The following ELAPOR1 variants were observed in gnomAD, a reference collection of about 807,000 sequenced individuals.
ELAPOR1 encodes endosome/lysosome-associated apoptosis and autophagy regulator 1.
A neutral mutation model predicts 119.7 loss-of-function variants in ELAPOR1; 77 were observed. The ratio of observed to expected loss-of-function variants is 0.64; its 90% CI spans 0.54 to 0.78. ELAPOR1 has a LOEUF of 0.78. Ranked by LOEUF, ELAPOR1 falls within the 30% of genes least tolerant of loss-of-function variation. The pLI, the probability that ELAPOR1 is intolerant of heterozygous loss-of-function variation, is 0.00. For synonymous variants in ELAPOR1, 481 were observed against 487.2 expected (o/e 0.99, Z 0.17); for missense variants, 1,115 against 1,270.4 (o/e 0.88, Z 1.86).
At chr1:109,180,725 G>T (rs1021958564) in intron 7 of ELAPOR1, among the ~76,000 whole-genome samples, 1 of 152,104 alleles carries the variant, frequency 6.6e-6, no homozygotes, top group African/African-American at 2.4e-5. Context: ...AATACTTTGG[G>T]AGGCCGAGGC....
intron 15 of ELAPOR1, among the ~76,000 whole-genome samples, chr1:109,194,951 T>C (rs552212620): frequency 1.3e-5 from 2 of 151,382 alleles, no homozygotes; most frequent in African/African-American, 4.9e-5. Flanking sequence ...CTACTAAAAA[T>C]ACAAAAAAAT....
At chr1:109,179,531 G>C (rs1321624877) in intron 7 of ELAPOR1, among the ~76,000 whole-genome samples, 3 of 152,098 alleles carry the variant, frequency 2.0e-5, no homozygotes, top group Non-Finnish European at 4.4e-5. Context: ...GAAGCAGGCC[G>C]GAAACAGATT....
At chr1:109,152,280 GCCT>G (rs1650582365) in intron 1 of ELAPOR1, among the ~76,000 whole-genome samples, 1 of 152,186 alleles carries the variant, frequency 6.6e-6, no homozygotes, top group Admixed American at 6.6e-5. Context: ...GGAAGAAGTG[GCCT>G]CCTCCAGACC....
In ELAPOR1 at chr1:109,194,415, C is replaced by G. The variant is rs371117794; in HGVS notation, c.1948-6C>G. ...AGCTGGCCCGACCCGTCCCTCTCCCCCTCAGATCCACTCTCTGTGCTACAA... is the reference window on the plus strand; with the variant it reads ...AGCTGGCCCGACCCGTCCCTCTCCCGCTCAGATCCACTCTCTGTGCTACAA... On this transcript the variant is annotated splice_region_variant and splice_polypyrimidine_tract_variant and intron_variant, in intron 14 of 21. Coordinates refer to ENST00000369939, the MANE Select transcript of ELAPOR1 (RefSeq NM_020775.5). The G allele has an allele frequency of 4.0e-5, 65 of 1,612,988 alleles. No homozygotes were observed. Among genetic ancestry groups the G allele is most frequent in the Admixed American group, 6.7e-5 (4 of 60,000 alleles).
intron 11 of ELAPOR1, among the ~76,000 whole-genome samples, chr1:109,190,763 T>C (rs2101111246): frequency 6.6e-6 from 1 of 152,280 alleles, no homozygotes. Flanking sequence ...CCAGCCCGCT[T>C]GGGCATGGCT....
At chr1:109,161,709 G>A in intron 1 of ELAPOR1, 185 bp from the exon 2 acceptor site, 2 of 561,688 alleles carry the variant, frequency 3.6e-6, no homozygotes, top group Middle Eastern at 9.3e-4. Flanking sequence ...CTGGGTGGAA[G>A]GGAATGATCC....
chr1:109,149,162 A>G (rs1040700396), intron 1 of ELAPOR1, among the ~76,000 whole-genome samples: 1 of 152,206 alleles, frequency 6.6e-6, no homozygotes, highest in Non-Finnish European at 1.5e-5. Flanking sequence ...GGCAGTAAAC[A>G]TGACAGGGGA....
rs1396179550 is a variant in ELAPOR1, at chr1:109,172,019, C to A, written c.615+6C>A. 3.7e-6 allele frequency: 6 copies of A among 1,614,122 alleles called. 1 individual carries two copies. The highest frequency in any genetic ancestry group is 3.3e-5 in the South Asian group (3 of 91,074). On this transcript the variant is annotated splice_donor_region_variant and intron_variant, in intron 4 of 21. Coordinates refer to ENST00000369939, the MANE Select transcript of ELAPOR1 (RefSeq NM_020775.5). Reference sequence around the variant, plus strand: ...GCATCATCTTTGAGTTTTTCGTAAGCCCCTGGCCAAGGTGGAGGGTGGGAG... The same window carrying A: ...GCATCATCTTTGAGTTTTTCGTAAGACCCTGGCCAAGGTGGAGGGTGGGAG...
At chr1:109,126,311 A>T (rs1648775410) in intron 1 of ELAPOR1, among the ~76,000 whole-genome samples, 1 of 152,098 alleles carries the variant, frequency 6.6e-6, no homozygotes, top group Non-Finnish European at 1.5e-5. Flanking sequence ...AACCACATAA[A>T]CTTACACTTG....
chr1:109,148,382 G>T (rs918582029), intron 1 of ELAPOR1, among the ~76,000 whole-genome samples: 1 of 149,836 alleles, frequency 6.7e-6, no homozygotes, highest in South Asian at 2.1e-4. Flanking sequence ...CAGGTGATCC[G>T]CCCACCTCAG....
intron 7 of ELAPOR1, among the ~76,000 whole-genome samples, chr1:109,177,299 A>T (rs1652385299): frequency 7.0e-6 from 1 of 143,168 alleles, no homozygotes; most frequent in East Asian, 2.1e-4. Context: ...CACTTCCCAG[A>T]CGGGGTGGCT....
rs201148132 is a variant in ELAPOR1, at chr1:109,164,567, C to T, written c.343C>T (p.Arg115Cys). Reference sequence around the variant, plus strand: ...GTCATGTAAGCCATGCGCTGAGGGCCGCTACTCCCTCGGCACAGGCATTCG... The same window carrying T: ...GTCATGTAAGCCATGCGCTGAGGGCTGCTACTCCCTCGGCACAGGCATTCG... ...DQSCKPCAEG[R>C]YSLGTGIRFD... is the part of the protein sequence containing the mutation. Residue 115 changes from arginine to cysteine, a missense_variant, in exon 3 of 22, where the codon CGC becomes TGC. Coordinates refer to ENST00000369939, the MANE Select transcript of ELAPOR1 (RefSeq NM_020775.5). 9.3e-6 allele frequency: 15 copies of T among 1,614,208 alleles called. No homozygotes were observed. The highest frequency in any genetic ancestry group is 1.3e-5 in the Non-Finnish European group (15 of 1,180,026).
intron 2 of ELAPOR1, among the ~76,000 whole-genome samples, chr1:109,162,347 ACACT>A (rs1307290831): frequency 6.6e-6 from 1 of 152,210 alleles, no homozygotes; most frequent in African/African-American, 2.4e-5. Context: ...TCTCCAATCT[ACACT>A]CACTCACCAG....
At chr1:109,165,137 A>T (rs1413372783) in intron 3 of ELAPOR1, among the ~76,000 whole-genome samples, 2 of 152,122 alleles carry the variant, frequency 1.3e-5, no homozygotes, top group African/African-American at 2.4e-5. Flanking sequence ...ACAAAAAGTT[A>T]AAAAATTTGC....
chr1:109,197,464 C>T lies in ELAPOR1; in HGVS notation c.2122-10C>T, dbSNP rs1026649417. On this transcript the variant is annotated splice_polypyrimidine_tract_variant and intron_variant, in intron 15 of 21. Transcript: ENST00000369939. ...TTCTTCCTACTTCTTCCTCCCCACT[C>T]CCCAACCAGGGTAGGAAAATGTCTG... is the stretch of plus-strand genomic sequence containing the variant. 6.2e-7 allele frequency: 1 copy of T among 1,612,084 alleles called. No individual in the cohort carries two copies.
intron 1 of ELAPOR1, among the ~76,000 whole-genome samples, chr1:109,150,071 C>T (rs1650434895): frequency 6.6e-6 from 1 of 152,186 alleles, no homozygotes; most frequent in Non-Finnish European, 1.5e-5. Context: ...AACCCTCATG[C>T]CAAGGTTCAG....
chr1:109,189,254 A>C, intron 10 of ELAPOR1, 60 bp downstream of exon 10: 1 of 1,568,218 alleles, frequency 6.4e-7, no homozygotes, highest in African/African-American at 1.4e-5. Context: ...AGTTCTTCCA[A>C]CTTCACATTT....
Position 109,172,014 on chromosome 1 carries a change from G to A in ELAPOR1, c.615+1G>A, listed in dbSNP as rs533001419. The A allele has an allele frequency of 4.3e-6, 7 of 1,614,156 alleles. No individual in the cohort carries two copies. The highest frequency in any genetic ancestry group is 2.2e-5 in the South Asian group (2 of 91,082). On this transcript the variant is annotated splice_donor_variant, in intron 4 of 21. Transcript: ENST00000369939. LOFTEE classifies it high-confidence loss of function. ...CTCCAGCATCATCTTTGAGTTTTTC[G>A]TAAGCCCCTGGCCAAGGTGGAGGGT...
At chr1:109,149,874 C>T (rs529864406) in intron 1 of ELAPOR1, among the ~76,000 whole-genome samples, 2 of 152,112 alleles carry the variant, frequency 1.3e-5, no homozygotes, top group Non-Finnish European at 2.9e-5. Context: ...CAACAGGGAG[C>T]TCGAGGTGGA....
Sources: allele counts gnomAD v4.1 joint callset (sites outside exome capture counted in the v4.1 genomes callset), GRCh38; gene constraint gnomAD v4.1.1; transcripts MANE v1.5; gene names NCBI Gene and HGNC (gene_info 2026-07-23, HGNC 2026-07-21).